The following IFNG-AS1 variants were observed in gnomAD, a reference collection of about 807,000 sequenced individuals.
IFNG-AS1 encodes IFNG regulatory antisense RNA 1, also known as IFNG antisense RNA 1 (non-protein coding).
intron 1 of IFNG-AS1, among the ~76,000 whole-genome samples, chr12:67,995,562 A>C (rs530367297): frequency 6.6e-6 from 1 of 151,996 alleles, no homozygotes; most frequent in Non-Finnish European, 1.5e-5. Flanking sequence ...CTCTCCTAAA[A>C]ATACAAAAAA....
rs574986628 is a variant in IFNG-AS1, at chr12:68,017,033, T to A, written n.242-2829T>A. The stretch of plus-strand genomic sequence containing the variant: ...TTTGATATGAAAGAAAAGAACAGAG[T>A]GCCCTACAAGCGAATGACAGAAGGG... On this transcript the variant is annotated intron_variant and non_coding_transcript_variant, in intron 3 of 5. Transcript: ENST00000536914. Among the ~76,000 whole-genome samples, 3 of 152,128 alleles carry A rather than the reference T, an allele frequency of 2.0e-5. No individual in the cohort carries two copies. In the East Asian group the frequency reaches 5.8e-4, roughly 29 times the overall value.
chr12:67,999,904 T>C, intron 2 of IFNG-AS1, among the ~76,000 whole-genome samples: 1 of 152,116 alleles, frequency 6.6e-6, no homozygotes, highest in East Asian at 1.9e-4. Context: ...ACATCACCAA[T>C]AATAAGAAGT....
intron 3 of IFNG-AS1, among the ~76,000 whole-genome samples, chr12:68,009,341 T>TTTTTG (rs1413164361): frequency 6.6e-6 from 1 of 152,004 alleles, no homozygotes; most frequent in African/African-American, 2.4e-5. Context: ...CAGTTTTTTG[T>TTTTTG]TTTTGTTTTG....
At chr12:68,007,853 A>C (rs534592194) in intron 3 of IFNG-AS1, among the ~76,000 whole-genome samples, 2 of 152,340 alleles carry the variant, frequency 1.3e-5, no homozygotes, top group Admixed American at 1.3e-4. Flanking sequence ...AGAAGGAAAT[A>C]GATGACTTGG....
At chr12:67,999,522 G>T (rs1325670899) in intron 2 of IFNG-AS1, among the ~76,000 whole-genome samples, 3 of 152,056 alleles carry the variant, frequency 2.0e-5, no homozygotes, top group Admixed American at 2.0e-4. Context: ...AACTTGAAGG[G>T]GCCCCCAGTG....
chr12:68,014,362 C>T (rs1225198176), intron 3 of IFNG-AS1, among the ~76,000 whole-genome samples: 1 of 152,224 alleles, frequency 6.6e-6, no homozygotes, highest in East Asian at 1.9e-4. Context: ...GGAACCTCCA[C>T]ACTGTTTTCC....
chr12:67,999,124 A>AAGAT (rs199569732), intron 2 of IFNG-AS1, among the ~76,000 whole-genome samples: 8 of 152,148 alleles, frequency 5.3e-5, no homozygotes, highest in African/African-American at 1.4e-4. Context: ...GATAATAGAT[A>AAGAT]AGATAGATAG....
chr12:68,000,303 G>A (rs1387807847), intron 2 of IFNG-AS1, among the ~76,000 whole-genome samples: 2 of 152,098 alleles, frequency 1.3e-5, no homozygotes, highest in African/African-American at 4.8e-5. Context: ...TTCTACCTAT[G>A]ATTACAAAAC....
At chr12:67,994,745 A>G (rs1312203016) in intron 1 of IFNG-AS1, among the ~76,000 whole-genome samples, 1 of 152,212 alleles carries the variant, frequency 6.6e-6, no homozygotes, top group Non-Finnish European at 1.5e-5. Flanking sequence ...ACAACATTAC[A>G]TGTTCTAGGA....
At chr12:68,009,476 G>T (rs951039381) in intron 3 of IFNG-AS1, among the ~76,000 whole-genome samples, 1 of 152,090 alleles carries the variant, frequency 6.6e-6, no homozygotes, top group African/African-American at 2.4e-5. Flanking sequence ...TGAGTAGCTG[G>T]GACTACAGGC....
In IFNG-AS1 at chr12:68,011,955, C is replaced by T. The variant is rs142372321; in HGVS notation, n.241+5809C>T. ...GTTTTGCAAGCCTCCTTCAGTTACC[C>T]TGGAATGTCAGAACAAGCAATCTGC... On this transcript the variant is annotated intron_variant and non_coding_transcript_variant, in intron 3 of 5. Transcript: ENST00000536914. 3.9e-4 allele frequency among the ~76,000 whole-genome samples: 60 copies of T among 152,294 alleles called. No individual in the cohort carries two copies. In the East Asian group the frequency reaches 0.011, roughly 28 times the overall value.
intron 2 of IFNG-AS1, among the ~76,000 whole-genome samples, chr12:67,999,973 G>A (rs1361126238): frequency 6.6e-6 from 1 of 152,158 alleles, no homozygotes; most frequent in Non-Finnish European, 1.5e-5. Flanking sequence ...CGCTTCTGTG[G>A]TAGTCTTACT....
At chr12:68,006,026 C>G (rs2120449994) in intron 2 of IFNG-AS1, 1 of 152,350 alleles carries the variant, frequency 6.6e-6, no homozygotes, top group East Asian at 1.9e-4. Flanking sequence ...GGGATTCAAA[C>G]TTAATCCAGT....
intron 4 of IFNG-AS1, chr12:68,020,693 C>G (rs1301171243): frequency 6.6e-6 from 1 of 152,086 alleles, no homozygotes; most frequent in Non-Finnish European, 1.5e-5. Context: ...TGCTCTTCAC[C>G]AAGAAGAGCC....
chr12:68,006,605 A>T (rs1012445750), intron 3 of IFNG-AS1, among the ~76,000 whole-genome samples: 10 of 152,212 alleles, frequency 6.6e-5, no homozygotes, highest in African/African-American at 2.4e-4. Flanking sequence ...TGGCAAATAT[A>T]ATTAAGGCCT....
chr12:68,019,226 A>G (rs1360171622), intron 3 of IFNG-AS1, among the ~76,000 whole-genome samples: 1 of 152,132 alleles, frequency 6.6e-6, no homozygotes, highest in Non-Finnish European at 1.5e-5. Flanking sequence ...TTCCGTGCTC[A>G]TTAAAGTTAA....
At chr12:68,011,481 C>T (rs1436224225) in intron 3 of IFNG-AS1, among the ~76,000 whole-genome samples, 4 of 152,178 alleles carry the variant, frequency 2.6e-5, no homozygotes, top group Non-Finnish European at 4.4e-5. Context: ...AAAAGCGTTA[C>T]ATTTTCACAG....
At chr12:68,001,383 T>C (rs1231431448) in intron 2 of IFNG-AS1, 1 of 202,604 alleles carries the variant, frequency 4.9e-6, no homozygotes, top group East Asian at 1.2e-4. Context: ...TGCCATCTCA[T>C]GTGCAAGTCC....
intron 3 of IFNG-AS1, among the ~76,000 whole-genome samples, chr12:68,007,145 C>T (rs1879924602): frequency 6.6e-6 from 1 of 152,166 alleles, no homozygotes; most frequent in African/African-American, 2.4e-5. Context: ...TGTTGTGTGA[C>T]CTTGGGCATG....
Sources: allele counts gnomAD v4.1 joint callset (sites outside exome capture counted in the v4.1 genomes callset), GRCh38; gene constraint gnomAD v4.1.1; transcripts MANE v1.5; gene names NCBI Gene and HGNC (gene_info 2026-07-23, HGNC 2026-07-21).